Variants in TGFA observed in about 807,000 individuals in gnomAD.
TGFA encodes the protein protransforming growth factor alpha.
Under a neutral mutation model 21.7 loss-of-function variants are expected in TGFA, and 12 were observed. That is an observed-to-expected ratio of 0.55 (90% CI 0.35 to 0.90). TGFA has a LOEUF of 0.90. TGFA is among the 40% of genes least tolerant of loss of function. TGFA has a pLI of 0.01. For synonymous variants in TGFA, 79 were observed against 88.1 expected (o/e 0.90, Z 0.58); for missense variants, 178 against 210.8 (o/e 0.84, Z 0.96).
In TGFA at chr2:70,478,725, C is replaced by G. The variant is rs541204107; in HGVS notation, c.95-12989G>C. On this transcript the variant is annotated intron_variant, in intron 2 of 5. Transcript: ENST00000295400. Reference sequence around the variant, plus strand: ...ACAAATATCCTAAGCAAATGACTTGCTGTCTTATCACTGAGAAGAAATAAC... The same window carrying G: ...ACAAATATCCTAAGCAAATGACTTGGTGTCTTATCACTGAGAAGAAATAAC... Among the ~76,000 whole-genome samples the G allele has an allele frequency of 2.0e-5, 3 of 152,296 alleles. No homozygotes were observed. In the South Asian group the frequency reaches 6.2e-4, roughly 32 times the overall value.
At chr2:70,524,285 C>T (rs1559135030) in intron 1 of TGFA, among the ~76,000 whole-genome samples, 1 of 152,226 alleles carries the variant, frequency 6.6e-6, no homozygotes, top group Non-Finnish European at 1.5e-5. Flanking sequence ...GTGAGGAAGG[C>T]CCTGTGCTTG....
chr2:70,543,247 G>T (rs782757954), intron 1 of TGFA, among the ~76,000 whole-genome samples: 1 of 151,900 alleles, frequency 6.6e-6, no homozygotes, highest in Non-Finnish European at 1.5e-5. Context: ...ATATTACTAG[G>T]CCTGGCATGG....
intron 2 of TGFA, among the ~76,000 whole-genome samples, chr2:70,471,017 C>G (rs950413612): frequency 6.6e-6 from 1 of 152,042 alleles, no homozygotes; most frequent in Non-Finnish European, 1.5e-5. Flanking sequence ...CTGTAATCCA[C>G]TATGTAGAGA....
At chr2:70,485,371 G>A (rs895644734) in intron 2 of TGFA, among the ~76,000 whole-genome samples, 4 of 152,112 alleles carry the variant, frequency 2.6e-5, no homozygotes, top group Admixed American at 2.6e-4. Flanking sequence ...CCGAGTAGCT[G>A]GGATTACAGG....
At chr2:70,452,455 G>A (rs1670086471) in intron 5 of TGFA, among the ~76,000 whole-genome samples, 1 of 151,390 alleles carries the variant, frequency 6.6e-6, no homozygotes, top group African/African-American at 2.4e-5. Context: ...GAAGATCATA[G>A]GATCTAAGGG....
At position 70,550,564 on chromosome 2, in the gene TGFA, T is replaced by C. The variant is rs181093573; in HGVS notation, c.40+3164A>G. Among the ~76,000 whole-genome samples, 1,148 of 152,266 alleles carry C rather than the reference T, an allele frequency of 7.5e-3. 16 individuals are homozygous for C. Among genetic ancestry groups the C allele is most frequent in the African/African-American group, 0.026 (1,088 of 41,576 alleles). On this transcript the variant is annotated intron_variant, in intron 1 of 5. Transcript: ENST00000295400. ...GGCCGGGCACGGTGGCTCACGCCTG[T>C]AATCCCAGCCCTTTGGGAGGCTGAG... is the stretch of plus-strand genomic sequence containing the variant.
At chr2:70,530,013 A>G (rs1354036962) in intron 1 of TGFA, among the ~76,000 whole-genome samples, 1 of 152,202 alleles carries the variant, frequency 6.6e-6, no homozygotes, top group Non-Finnish European at 1.5e-5. Context: ...GCCTCTATCT[A>G]TACTATTCCC....
intron 3 of TGFA, among the ~76,000 whole-genome samples, chr2:70,464,818 C>T (rs1386064769): frequency 1.3e-5 from 2 of 152,158 alleles, no homozygotes; most frequent in Non-Finnish European, 2.9e-5. Flanking sequence ...CTGGTGTAGC[C>T]ACACTGATCT....
At chr2:70,523,517 C>T (rs113229243) in intron 1 of TGFA, among the ~76,000 whole-genome samples, 2,192 of 152,318 alleles carry the variant, frequency 0.014, 22 homozygotes, top group Non-Finnish European at 0.021. Context: ...TCCTTCTCTT[C>T]TGCGTAGAAA....
intron 2 of TGFA, among the ~76,000 whole-genome samples, chr2:70,488,322 C>G (rs1224999389): frequency 2.6e-5 from 4 of 152,168 alleles, no homozygotes; most frequent in Non-Finnish European, 5.9e-5. Flanking sequence ...ACCTACACTT[C>G]CTTCCATTAT....
At chr2:70,458,775 C>T (rs1670319141) in intron 3 of TGFA, among the ~76,000 whole-genome samples, 1 of 151,722 alleles carries the variant, frequency 6.6e-6, no homozygotes, top group Admixed American at 6.5e-5. Flanking sequence ...CTAACCTCTC[C>T]TCCCTGAACC....
chr2:70,540,579 T>C (rs1673105645), intron 1 of TGFA, among the ~76,000 whole-genome samples: 1 of 152,186 alleles, frequency 6.6e-6, no homozygotes, highest in Non-Finnish European at 1.5e-5. Context: ...CATAAATGTA[T>C]GAGGGGAAAT....
At chr2:70,545,328 A>G (rs1257088651) in intron 1 of TGFA, among the ~76,000 whole-genome samples, 3 of 152,228 alleles carry the variant, frequency 2.0e-5, no homozygotes, top group African/African-American at 7.2e-5. Context: ...TTAAACTGCT[A>G]GTAGGGCAGA....
chr2:70,506,905 C>G (rs1375903973), intron 2 of TGFA, among the ~76,000 whole-genome samples: 1 of 152,152 alleles, frequency 6.6e-6, no homozygotes, highest in Non-Finnish European at 1.5e-5. Flanking sequence ...TCTGTTGAAA[C>G]CTGGAAGTGT....
intron 2 of TGFA, among the ~76,000 whole-genome samples, chr2:70,508,216 G>A (rs782740722): frequency 7.2e-5 from 11 of 152,164 alleles, no homozygotes; most frequent in Non-Finnish European, 1.0e-4. Context: ...ACGCTGAGGC[G>A]GGTGGATCAT....
At position 70,529,627 on chromosome 2, in the gene TGFA, G is replaced by A. The variant is rs150134514; in HGVS notation, c.41-14715C>T. Reference sequence around the variant, plus strand: ...TCCTAGAAAAGAGCAGGTGGCTGCTGTGGCTGGGGGAGGGCACACCGGGAA... The same window carrying A: ...TCCTAGAAAAGAGCAGGTGGCTGCTATGGCTGGGGGAGGGCACACCGGGAA... On this transcript the variant is annotated intron_variant, in intron 1 of 5. Transcript: ENST00000295400. Among the ~76,000 whole-genome samples, 1,090 of 151,986 alleles carry A rather than the reference G, an allele frequency of 7.2e-3. 16 individuals carry two copies. The highest frequency in any genetic ancestry group is 0.025 in the African/African-American group (1,018 of 41,508).
In TGFA at chr2:70,549,540, G is replaced by A. The variant is rs1420810134; in HGVS notation, c.40+4188C>T. Reference sequence around the variant, plus strand: ...AACCAGCCCTCCAGATCATTCCAATGTAAGGCCTGCTGTAGAGGATACTAC... The same window carrying A: ...AACCAGCCCTCCAGATCATTCCAATATAAGGCCTGCTGTAGAGGATACTAC... On this transcript the variant is annotated intron_variant, in intron 1 of 5. Coordinates refer to ENST00000295400, the MANE Select transcript of TGFA (RefSeq NM_003236.4). 3.3e-5 allele frequency among the ~76,000 whole-genome samples: 5 copies of A among 152,168 alleles called. No homozygotes were observed. The East Asian group carries it at 5.8e-4, about 18-fold the overall frequency.
At chr2:70,467,489 C>G (rs2103704349) in intron 2 of TGFA, 1 of 152,316 alleles carries the variant, frequency 6.6e-6, no homozygotes, top group South Asian at 2.1e-4. Context: ...CCAGGCAGCA[C>G]TTTGGGCTTA....
chr2:70,510,235 T>C (rs533532852), intron 2 of TGFA, among the ~76,000 whole-genome samples: 1 of 152,182 alleles, frequency 6.6e-6, no homozygotes, highest in Non-Finnish European at 1.5e-5. Flanking sequence ...CTTTGTATAG[T>C]TCCAGCAACT....
Sources: gnomAD v4.1 joint callset for allele counts (sites outside exome capture counted in the v4.1 genomes callset) on GRCh38, gnomAD v4.1.1 for gene constraint, MANE v1.5 for transcripts, NCBI Gene and HGNC (gene_info 2026-07-23, HGNC 2026-07-21) for gene names.